COG4: variants seen among roughly 807,000 people sequenced by gnomAD.
COG4 encodes conserved oligomeric Golgi complex subunit 4.
A neutral mutation model predicts 95.1 loss-of-function variants in COG4; 65 were observed. That is an observed-to-expected ratio of 0.68 (90% CI 0.56 to 0.84). The LOEUF is 0.84. Among genes scored for constraint, COG4 ranks in the 40% least tolerant of loss-of-function variants. The pLI, the probability that COG4 is intolerant of heterozygous loss-of-function variation, is 0.00. For missense variants in COG4, 1,045 were observed against 989.1 expected (o/e 1.06, Z -0.76); for synonymous variants, 421 against 374.8 (o/e 1.12, Z -1.42).
At chr16:70,486,017 T>G (rs2049125597) in intron 13 of COG4, among the ~76,000 whole-genome samples, 1 of 151,922 alleles carries the variant, frequency 6.6e-6, no homozygotes, top group South Asian at 2.1e-4. Flanking sequence ...TGCCTCAGTC[T>G]CCCAAGTAGC....
chr16:70,514,368 A>T lies in COG4; in HGVS notation c.511T>A (p.Ser171Thr). Residue 171 changes from serine to threonine, a missense_variant, in exon 4 of 19, where the codon TCG becomes ACG. Ser to Thr is a moderately conservative substitution (Grantham distance 58). Coordinates refer to ENST00000323786, the MANE Select transcript of COG4 (RefSeq NM_015386.3). ...CCCTGTCGGCTGAGCTCAATGACCG[A>T]CTTGTCCAGGCACAAGTAGCGATGA... ...HTHRYLCLDK[S>T]VIELSRQGKE... is the part of the protein sequence containing the mutation. 1 of 1,614,166 alleles carries T rather than the reference A, an allele frequency of 6.2e-7. No homozygotes were observed. The highest frequency in any genetic ancestry group is 1.1e-5 in the South Asian group (1 of 91,070).
chr16:70,514,648 G>A (rs561265461), intron 3 of COG4, 139 bp from the exon 4 acceptor site: 7 of 719,232 alleles, frequency 9.7e-6, no homozygotes, highest in East Asian at 2.7e-5. Context: ...TACTGTTAAC[G>A]CAACTGTTAT....
rs189821897 is a variant in COG4, at chr16:70,482,169, A to G, written c.1927T>C (p.Phe643Leu). ...SVSHNIEEEE[F>L]NDYEANDPWV... Reference sequence around the variant, plus strand: ...GGGTCGTTGGCCTCATAGTCATTGAATTCTTCCTGTTGTCAGGAAGCAGGG... The same window carrying G: ...GGGTCGTTGGCCTCATAGTCATTGAGTTCTTCCTGTTGTCAGGAAGCAGGG... Residue 643 changes from phenylalanine (F) to leucine (L), a missense_variant, in exon 16 of 19, where the codon TTC becomes CTC. Phe to Leu is a conservative substitution (Grantham distance 22, BLOSUM62 0). Coordinates refer to ENST00000323786, the MANE Select transcript of COG4 (RefSeq NM_015386.3). The G allele has an allele frequency of 8.6e-5, 139 of 1,611,708 alleles. No individual in the cohort carries two copies. In the East Asian group the frequency reaches 2.5e-3, roughly 28 times the overall value.
At chr16:70,506,626 A>AAAAAAAAAAAAAAG (rs2049581766) in intron 8 of COG4, among the ~76,000 whole-genome samples, 1 of 135,382 alleles carries the variant, frequency 7.4e-6, no homozygotes, top group African/African-American at 3.2e-5. Flanking sequence ...AACAAAAAAA[A>AAAAAAAAAAAAAAG]AAACATTTAG....
Position 70,509,220 on chromosome 16 carries a change from C to T in COG4, c.1002+11G>A, listed in dbSNP as rs1042757355. 1.9e-6 allele frequency: 3 copies of T among 1,614,018 alleles called. No individual in the cohort carries two copies. Among genetic ancestry groups the T allele is most frequent in the Non-Finnish European group, 2.5e-6 (3 of 1,180,020 alleles). On this transcript the variant is annotated intron_variant, in intron 7 of 18. Coordinates refer to ENST00000323786, the MANE Select transcript of COG4 (RefSeq NM_015386.3). ...TGCTACCAAACCCTACCTGTAGCTT[C>T]CCCTGCTCACCTGCTGGTGGTAGTC...
At chr16:70,500,268 C>A (rs2049420584) in intron 9 of COG4, among the ~76,000 whole-genome samples, 1 of 152,028 alleles carries the variant, frequency 6.6e-6, no homozygotes, top group Non-Finnish European at 1.5e-5. Context: ...CTGCACCCAG[C>A]CCCCTTTCTT....
Position 70,506,109 on chromosome 16 carries a change from C to T in COG4, c.1061+2297G>A, listed in dbSNP as rs566615430. Among the ~76,000 whole-genome samples, 14 of 149,564 alleles carry T rather than the reference C, an allele frequency of 9.4e-5. No homozygotes were observed. The South Asian group carries it at 1.7e-3, about 18-fold the overall frequency. On this transcript the variant is annotated intron_variant, in intron 8 of 18. Transcript: ENST00000323786. ...CAGCCTGGCCAAAATGGCAAAACCT[C>T]ATCTCAGCCGGGTGCGGTGGCTCAT...
rs759481315 is a variant in COG4, at chr16:70,509,374, C to T, written c.859G>A (p.Val287Met). Residue 287 changes from valine (V) to methionine (M), a missense_variant, in exon 7 of 19, where the codon GTG (valine) becomes ATG (methionine). Coordinates refer to ENST00000323786, the MANE Select transcript of COG4 (RefSeq NM_015386.3). The part of the protein sequence containing the change: ...TLLFEGIARI[V>M]ETHQPIVETY... ...TCCACTATTGGCTGGTGGGTCTCCA[C>T]AATGCGGGCAATCCCTAGAAGGGAG... The T allele has an allele frequency of 1.9e-6, 3 of 1,614,072 alleles. No individual in the cohort carries two copies. The highest frequency in any genetic ancestry group is 2.5e-6 in the Non-Finnish European group (3 of 1,180,032).
In COG4 at chr16:70,504,609, T is replaced by TAAAAAAAAA. The variant is rs66751123; in HGVS notation, c.1062-3527_1062-3519dup. Reference sequence around the variant, plus strand: ...GTGACGGAGTGAGTGAGATTCTATTTAAAAAAAAAAAAAAAAAAAGAGGCC... The same window carrying TAAAAAAAAA: ...GTGACGGAGTGAGTGAGATTCTATTTAAAAAAAAAAAAAAAAAAAAAAAAAAAAGAGGCC... On this transcript the variant is annotated intron_variant, in intron 8 of 18. Transcript: ENST00000323786. Among the ~76,000 whole-genome samples the TAAAAAAAAA allele has an allele frequency of 2.5e-3, 301 of 121,932 alleles. 8 individuals are homozygous for TAAAAAAAAA. Among genetic ancestry groups the TAAAAAAAAA allele is most frequent in the African/African-American group, 0.01 (281 of 27,878 alleles). 80.0% of individuals were successfully genotyped at this position (121,932 alleles called of 152,430 possible).
chr16:70,491,164 C>T (rs557190574), intron 12 of COG4, among the ~76,000 whole-genome samples: 1 of 152,158 alleles, frequency 6.6e-6, no homozygotes, highest in Non-Finnish European at 1.5e-5. Flanking sequence ...CTAAATACCC[C>T]CATAGAACAC....
chr16:70,487,679 CCCTGG>C (rs1274815886), intron 13 of COG4, among the ~76,000 whole-genome samples: 1 of 152,204 alleles, frequency 6.6e-6, no homozygotes, highest in African/African-American at 2.4e-5. Context: ...GGAGGCAGGG[CCCTGG>C]CCTCACTTCT....
intron 9 of COG4, among the ~76,000 whole-genome samples, chr16:70,499,171 G>A (rs2049398616): frequency 6.6e-6 from 1 of 152,082 alleles, no homozygotes; most frequent in South Asian, 2.1e-4. Context: ...CTTAGGAACT[G>A]AATATTTTTT....
chr16:70,493,819 C>A (rs1330147070), intron 12 of COG4, among the ~76,000 whole-genome samples: 1 of 151,886 alleles, frequency 6.6e-6, no homozygotes, highest in Non-Finnish European at 1.5e-5. Flanking sequence ...CATCTAGAGG[C>A]CGTGGGAGGG....
chr16:70,483,964 G>C lies in COG4; in HGVS notation c.1716C>G (p.Asp572Glu), dbSNP rs1318910599. The change falls in exon 14 of 19, where the codon GAC becomes GAG. Residue 572 changes from aspartate (D) to glutamate (E), a missense_variant. By Grantham distance (45) the Asp-to-Glu change is conservative. Transcript: ENST00000323786. ...TGCCCTGGCTGAAGAGCTTGGTGCA[G>C]TCACTCTAGGGGAGAACACTGCTGT... The part of the protein sequence containing the change: ...ISTLKKTLES[D>E]CTKLFSQGIG... The C allele has an allele frequency of 2.5e-6, 4 of 1,611,104 alleles. No individual in the cohort carries two copies. The South Asian group carries it at 4.4e-5, about 18-fold the overall frequency.
intron 13 of COG4, among the ~76,000 whole-genome samples, chr16:70,487,190 C>T: frequency 6.6e-6 from 1 of 151,628 alleles, no homozygotes. Context: ...ACTTAGGAAG[C>T]TGAGGCAGGA....
At chr16:70,491,824 C>CAAA (rs772831502) in intron 12 of COG4, among the ~76,000 whole-genome samples, 13 of 59,296 alleles carry the variant, frequency 2.2e-4, no homozygotes, top group African/African-American at 4.3e-4. Context: ...AACTACGTCT[C>CAAA]AAAAAAAAAA....
chr16:70,496,309 G>C lies in COG4; in HGVS notation c.1604C>G (p.Thr535Arg), dbSNP rs757054202. ...CTCGTCAGTACTCTCGATGCCTTTT[G>C]TGTCAAATTTGCCTTGCTGGAGGCT... ...HSSLQQGKFDTKGIESTDEAK... is the reference protein window; with the variant it reads ...HSSLQQGKFDRKGIESTDEAK... Residue 535 changes from threonine to arginine, a missense_variant, in exon 12 of 19, where the codon ACA (threonine) becomes AGA (arginine). By Grantham distance (71) the Thr-to-Arg change is moderately conservative. Transcript: ENST00000323786. 1.3e-5 allele frequency: 21 copies of C among 1,614,044 alleles called. No homozygotes were observed. Among genetic ancestry groups the C allele is most frequent in the Non-Finnish European group, 1.8e-5 (21 of 1,180,034 alleles).
chr16:70,517,352 G>C (rs1053368186), intron 3 of COG4, among the ~76,000 whole-genome samples: 2 of 151,820 alleles, frequency 1.3e-5, no homozygotes, highest in African/African-American at 4.8e-5. Context: ...CTAACATGGC[G>C]AAAGGTGGAA....
intron 2 of COG4, among the ~76,000 whole-genome samples, chr16:70,518,243 T>C (rs907525466): frequency 6.6e-6 from 1 of 152,096 alleles, no homozygotes; most frequent in African/African-American, 2.4e-5. Context: ...CTAAAACCAA[T>C]AAAGACACAC....
Sources: gnomAD v4.1 joint callset for allele counts (sites outside exome capture counted in the v4.1 genomes callset) on GRCh38, gnomAD v4.1.1 for gene constraint, MANE v1.5 for transcripts, NCBI Gene and HGNC (gene_info 2026-07-23, HGNC 2026-07-21) for gene names.